FBXL5: variants seen among roughly 807,000 people sequenced by gnomAD.
FBXL5 encodes the protein F-box/LRR-repeat protein 5.
A neutral mutation model predicts 78.3 loss-of-function variants in FBXL5; 26 were observed. That is an observed-to-expected ratio of 0.33 (90% CI 0.24 to 0.46). The LOEUF (loss-of-function observed/expected upper bound fraction) is 0.46. FBXL5 is among the 20% of genes least tolerant of loss of function. The pLI is 1.00. For synonymous variants in FBXL5, 295 were observed against 282.5 expected, an observed-to-expected ratio of 1.04 and a Z score of -0.45; for missense variants, 710 against 829.2, an observed-to-expected ratio of 0.86 and a Z score of 1.77.
intron 10 of FBXL5, among the ~76,000 whole-genome samples, chr4:15,607,451 A>G (rs1721966604): frequency 6.6e-6 from 1 of 152,208 alleles, no homozygotes; most frequent in African/African-American, 2.4e-5. Flanking sequence ...CCCTTAAAAT[A>G]AGAAACAATG....
intron 1 of FBXL5, among the ~76,000 whole-genome samples, chr4:15,649,511 C>A (rs1715698997): frequency 7.0e-6 from 1 of 142,238 alleles, no homozygotes; most frequent in Non-Finnish European, 1.5e-5. Context: ...ACCCGGGAGG[C>A]AGAGGTTGCA....
At chr4:15,669,600 TC>T (rs1284963412) in intron 1 of FBXL5, among the ~76,000 whole-genome samples, 1 of 152,078 alleles carries the variant, frequency 6.6e-6, no homozygotes, top group Admixed American at 6.6e-5. Context: ...TAATAAATAC[TC>T]CCCTTTTACC....
intron 9 of FBXL5, among the ~76,000 whole-genome samples, chr4:15,614,835 C>T (rs1206889699): frequency 6.6e-6 from 1 of 152,170 alleles, no homozygotes; most frequent in Non-Finnish European, 1.5e-5. Flanking sequence ...CCCTTCAGCC[C>T]ACCACTGCAC....
At chr4:15,632,924 C>T (rs1713833938) in intron 5 of FBXL5, among the ~76,000 whole-genome samples, 1 of 152,110 alleles carries the variant, frequency 6.6e-6, no homozygotes. Flanking sequence ...TTGCCCTGGC[C>T]AGAACTTCCA....
chr4:15,667,512 T>C (rs959833226), intron 1 of FBXL5, among the ~76,000 whole-genome samples: 11 of 152,044 alleles, frequency 7.2e-5, no homozygotes, highest in African/African-American at 2.7e-4. Flanking sequence ...CTATTAAAAA[T>C]AGTATTAAAA....
intron 1 of FBXL5, among the ~76,000 whole-genome samples, chr4:15,665,459 C>T (rs1401545441): frequency 6.6e-6 from 1 of 152,096 alleles, no homozygotes; most frequent in Admixed American, 6.5e-5. Flanking sequence ...GGAATTACCC[C>T]AACCAATTCA....
At chr4:15,673,163 C>T (rs1023605952) in intron 1 of FBXL5, among the ~76,000 whole-genome samples, 3 of 152,060 alleles carry the variant, frequency 2.0e-5, no homozygotes, top group Non-Finnish European at 4.4e-5. Context: ...AACAATAGGG[C>T]AGGTGCAATG....
chr4:15,610,447 CA>C (rs1380767896), intron 10 of FBXL5, among the ~76,000 whole-genome samples: 2 of 152,006 alleles, frequency 1.3e-5, no homozygotes, highest in Admixed American at 1.3e-4. Context: ...TCAAATCTTT[CA>C]AAGTCAGATA....
intron 1 of FBXL5, among the ~76,000 whole-genome samples, chr4:15,668,478 G>C (rs1473155586): frequency 6.6e-6 from 1 of 150,460 alleles, no homozygotes; most frequent in Non-Finnish European, 1.5e-5. Context: ...TTTGTACTTG[G>C]TTTTTGTATT....
chr4:15,637,902 T>TAAAAAAAAAAAAAAAAAAAAA (rs10711266), intron 4 of FBXL5, among the ~76,000 whole-genome samples: 1 of 144,802 alleles, frequency 6.9e-6, no homozygotes. Context: ...CTAGTTTTTT[T>TAAAAAAAAAAAAAAAAAAAAA]AAAAAAAAAA....
At chr4:15,669,696 T>C (rs191673062) in intron 1 of FBXL5, among the ~76,000 whole-genome samples, 3,617 of 152,308 alleles carry the variant, frequency 0.024, 70 homozygotes, top group Middle Eastern at 0.048. Flanking sequence ...TTTCACACTA[T>C]GAAAAGTTAT....
chr4:15,617,545 CAAA>C (rs34036474), intron 9 of FBXL5, among the ~76,000 whole-genome samples: 6 of 114,322 alleles, frequency 5.2e-5, no homozygotes, highest in Non-Finnish European at 3.5e-5. Context: ...CTCCATGTCT[CAAA>C]AAAAAAAAAA....
intron 2 of FBXL5, 82 bp downstream of exon 2, chr4:15,644,410 AT>A: frequency 1.8e-6 from 2 of 1,113,870 alleles, no homozygotes; most frequent in Non-Finnish European, 2.7e-6. Flanking sequence ...ATCATTTACT[AT>A]AAAACAGTGA....
intron 1 of FBXL5, among the ~76,000 whole-genome samples, chr4:15,647,222 CA>C (rs112736448): frequency 0.12 from 4,204 of 36,416 alleles, 98 homozygotes; most frequent in East Asian, 0.42. Context: ...GACTCCATCT[CA>C]AAAAAAAAAA....
Position 15,636,614 on chromosome 4 carries a change from T to C in FBXL5, c.646A>G (p.Ile216Val), listed in dbSNP as rs201844741. ...TCTTGAGGATTAAGATAGCTGAAAA[T>C]TGACAGCATTACCTCAGGAGGAAGA... ...THLPPEVMLS[I>V]FSYLNPQELC... Residue 216 changes from isoleucine to valine, a missense_variant, in exon 5 of 11, where the codon ATT (isoleucine) becomes GTT (valine). Coordinates refer to ENST00000341285, the MANE Select transcript of FBXL5 (RefSeq NM_012161.4). 283 of 1,614,002 alleles carry C rather than the reference T, an allele frequency of 1.8e-4. No individual in the cohort carries two copies. Among genetic ancestry groups the C allele is most frequent in the Non-Finnish European group, 2.1e-4 (248 of 1,179,940 alleles).
intron 9 of FBXL5, among the ~76,000 whole-genome samples, chr4:15,615,754 G>C (rs1332788456): frequency 2.0e-5 from 3 of 151,766 alleles, no homozygotes; most frequent in African/African-American, 7.3e-5. Context: ...CTCAGGGATT[G>C]TAAACGCACC....
intron 1 of FBXL5, among the ~76,000 whole-genome samples, chr4:15,676,465 T>C (rs1301076574): frequency 6.6e-6 from 1 of 152,178 alleles, no homozygotes; most frequent in Non-Finnish European, 1.5e-5. Flanking sequence ...GGAGACTCTG[T>C]TATATATTAA....
intron 1 of FBXL5, among the ~76,000 whole-genome samples, chr4:15,669,760 C>T (rs75984500): frequency 0.043 from 6,570 of 152,102 alleles, 221 homozygotes; most frequent in Non-Finnish European, 0.066. Context: ...TATTGAAAAG[C>T]AATTACTATT....
At chr4:15,615,308 C>T (rs890706738) in intron 9 of FBXL5, among the ~76,000 whole-genome samples, 14 of 152,094 alleles carry the variant, frequency 9.2e-5, no homozygotes, top group African/African-American at 2.9e-4. Context: ...AAGCACACGG[C>T]GCGGGACTGG....
Sources: gnomAD v4.1 joint callset for allele counts (sites outside exome capture counted in the v4.1 genomes callset) on GRCh38, gnomAD v4.1.1 for gene constraint, MANE v1.5 for transcripts, NCBI Gene and HGNC (gene_info 2026-07-23, HGNC 2026-07-21) for gene names.